The following NFS1 variants were observed in gnomAD, a reference collection of about 807,000 sequenced individuals.
NFS1 encodes the protein cysteine desulfurase.
Under a neutral mutation model 57.3 loss-of-function variants are expected in NFS1, and 26 were observed. The observed-to-expected ratio is 0.45, with a 90% CI of 0.33 to 0.63. The LOEUF (loss-of-function observed/expected upper bound fraction) is 0.63. Among genes scored for constraint, NFS1 ranks in the 20% least tolerant of loss-of-function variants. The pLI, the probability that NFS1 is intolerant of heterozygous loss-of-function variation, is 0.02. For synonymous variants in NFS1, 209 were observed against 216.3 expected, an observed-to-expected ratio of 0.97 and a Z score of 0.30; for missense variants, 505 against 605.8, an observed-to-expected ratio of 0.83 and a Z score of 1.75.
intron 5 of NFS1, among the ~76,000 whole-genome samples, chr20:35,686,510 T>C (rs531572445): frequency 2.1e-4 from 32 of 152,254 alleles, no homozygotes; most frequent in Admixed American, 2.0e-3. Flanking sequence ...ATGAATGTTA[T>C]GGTATGTGAA....
At chr20:35,693,656 G>A (rs1374290697) in intron 4 of NFS1, among the ~76,000 whole-genome samples, 1 of 151,884 alleles carries the variant, frequency 6.6e-6, no homozygotes, top group Non-Finnish European at 1.5e-5. Flanking sequence ...AATGAGAGCC[G>A]CATCTCTACA....
chr20:35,683,397 G>A (rs1024423445), intron 5 of NFS1, among the ~76,000 whole-genome samples: 4 of 151,702 alleles, frequency 2.6e-5, no homozygotes, highest in African/African-American at 7.3e-5. Context: ...CAGGAGAATC[G>A]CTTGAACCCG....
intron 11 of NFS1, 49 bp from the exon 12 acceptor site, chr20:35,672,893 G>T: frequency 9.0e-7 from 1 of 1,105,528 alleles, no homozygotes; most frequent in Non-Finnish European, 1.3e-6. Flanking sequence ...TCTGGCACTG[G>T]GATAAATTCA....
In NFS1 at chr20:35,674,340, T is replaced by C; in HGVS notation, c.1136+10A>G. 1 of 1,613,026 alleles carries C rather than the reference T, an allele frequency of 6.2e-7. No individual in the cohort carries two copies. Among genetic ancestry groups the C allele is most frequent in the Non-Finnish European group, 8.5e-7 (1 of 1,179,328 alleles). ...CCTGCCGCAGGCCCTGTCTATGCCG[T>C]CCAGCTCACCTCCCTGAGGATAAGG... On this transcript the variant is annotated intron_variant, in intron 10 of 12. Coordinates refer to ENST00000374092, the MANE Select transcript of NFS1 (RefSeq NM_021100.5).
At chr20:35,669,744 G>A (rs1296392028) in intron 12 of NFS1, 59 bp from the exon 13 acceptor site, 7 of 1,500,998 alleles carry the variant, frequency 4.7e-6, no homozygotes, top group African/African-American at 2.8e-5. Context: ...CGACAACATT[G>A]GCCCCAAGGC....
chr20:35,693,505 A>G (rs2035078858), intron 4 of NFS1, among the ~76,000 whole-genome samples: 1 of 152,182 alleles, frequency 6.6e-6, no homozygotes, highest in Non-Finnish European at 1.5e-5. Context: ...ATCTCTCCCC[A>G]GAGCTTATAA....
Position 35,672,891 on chromosome 20 carries a change from T to G in NFS1, c.1221-47A>C, listed in dbSNP as rs200469921. ...TGGCTCCCCATCAGAGCTCTGGCAC[T>G]GGGATAAATTCATTCCGCAAATACT... On this transcript the variant is annotated intron_variant, in intron 11 of 12. Coordinates refer to ENST00000374092, the MANE Select transcript of NFS1 (RefSeq NM_021100.5). The G allele has an allele frequency of 3.6e-6, 4 of 1,126,126 alleles. No individual in the cohort carries two copies. In the African/African-American group the frequency reaches 4.7e-5, roughly 13 times the overall value. 69.8% of individuals were successfully genotyped at this position (1,126,126 alleles called of 1,614,324 possible).
rs561483384 is a variant in NFS1, at chr20:35,699,261, C to T, written c.28G>A (p.Ala10Thr). The change falls in exon 1 of 13, where the codon GCG (alanine) becomes ACG (threonine). Residue 10 changes from alanine to threonine, a missense_variant. By Grantham distance (58) the Ala-to-Thr change is moderately conservative (BLOSUM62 0). Transcript: ENST00000374092. The surrounding 1 kb of genome is among the most constrained non-coding windows in gnomAD (Gnocchi z 4.4). MLLRAAWRR[A>T]AVAVTAAPGP... ...GGAGCCGCTGTCACCGCCACTGCCG[C>T]CCGCCTCCAAGCGGCTCGGAGCAGC... 5.4e-5 allele frequency: 77 copies of T among 1,424,178 alleles called. No individual in the cohort carries two copies. The East Asian group carries it at 2.2e-3, about 40-fold the overall frequency. The allele number at this position is 1,424,178 out of a possible 1,614,324, so 88.2% of individuals were successfully genotyped here.
intron 5 of NFS1, among the ~76,000 whole-genome samples, chr20:35,688,615 C>T (rs2034986195): frequency 6.6e-6 from 1 of 151,602 alleles, no homozygotes; most frequent in East Asian, 1.9e-4. Flanking sequence ...AGTCTGAGGC[C>T]GCAGTGAGCT....
chr20:35,686,281 C>T (rs527391005), intron 5 of NFS1, among the ~76,000 whole-genome samples: 6 of 136,614 alleles, frequency 4.4e-5, no homozygotes, highest in East Asian at 2.4e-4. Context: ...ACCCGGGAGG[C>T]GGAGGTTGTG....
rs2035160847 is a variant in NFS1, at chr20:35,697,698, C to T, written c.310G>A (p.Glu104Lys). 6.2e-7 allele frequency: 1 copy of T among 1,612,772 alleles called. No homozygotes were observed. Among genetic ancestry groups the T allele is most frequent in the South Asian group, 1.1e-5 (1 of 90,946 alleles). Reference sequence around the variant, plus strand: ...TGTGTACTAACCTGACGAGCACGTTCCATGGCTGCCTCACTCTCCCAGCCA... The same window carrying T: ...TGTGTACTAACCTGACGAGCACGTTTCATGGCTGCCTCACTCTCCCAGCCA... ...AYGWESEAAM[E>K]RARQQVASLI... The change falls in exon 3 of 13, where the codon GAA becomes AAA. Residue 104 changes from glutamate to lysine, a missense_variant. Physicochemically the swap from Glu to Lys is moderately conservative, Grantham distance 56. Coordinates refer to ENST00000374092, the MANE Select transcript of NFS1 (RefSeq NM_021100.5).
chr20:35,678,174 C>T (rs1452289923), intron 7 of NFS1, among the ~76,000 whole-genome samples: 1 of 151,546 alleles, frequency 6.6e-6, no homozygotes, highest in African/African-American at 2.4e-5. Context: ...ACAGTGAAAC[C>T]CCGTCTCTAC....
intron 4 of NFS1, among the ~76,000 whole-genome samples, chr20:35,690,887 A>G (rs532934528): frequency 2.2e-4 from 34 of 152,308 alleles, no homozygotes; most frequent in African/African-American, 7.9e-4. Context: ...TCAATAATTC[A>G]CTAGAATAAA....
intron 4 of NFS1, 94 bp downstream of exon 4, chr20:35,696,283 G>A: frequency 1.2e-6 from 1 of 832,018 alleles, no homozygotes; most frequent in Non-Finnish European, 2.1e-6. Context: ...GGGGATGGAT[G>A]GCTGCGAAAT....
At chr20:35,686,197 G>A (rs983283193) in intron 5 of NFS1, among the ~76,000 whole-genome samples, 6 of 151,254 alleles carry the variant, frequency 4.0e-5, no homozygotes, top group African/African-American at 4.9e-5. Context: ...TCCAACTCCC[G>A]ACCTCAGGTG....
rs528121301 is a variant in NFS1 at position 35,698,474 on chromosome 20, T to C, written c.207+7A>G. On this transcript the variant is annotated splice_region_variant and intron_variant, in intron 2 of 12. Transcript: ENST00000374092. Reference sequence around the variant, plus strand: ...ATAAGCAGCCTTGGGAAAAGCTTCATCCTTACCAGAGGAGTTGTAGCTTGC... The same window carrying C: ...ATAAGCAGCCTTGGGAAAAGCTTCACCCTTACCAGAGGAGTTGTAGCTTGC... 1.3e-6 allele frequency: 2 copies of C among 1,594,418 alleles called. No individual in the cohort carries two copies. The highest frequency in any genetic ancestry group is 4.5e-5 in the East Asian group (2 of 44,452).
Position 35,669,605 on chromosome 20 carries a change from G to A in NFS1, c.*17C>T, listed in dbSNP as rs755405543. 16 of 1,613,468 alleles carry A rather than the reference G, an allele frequency of 9.9e-6. No individual in the cohort carries two copies. Among genetic ancestry groups the A allele is most frequent in the African/African-American group, 9.3e-5 (7 of 74,908 alleles). On this transcript the variant is annotated 3_prime_UTR_variant, in exon 13 of 13. Transcript: ENST00000374092. ...GCAGGAGGGGCCAGACCAGCACAAAGTCAGGGCCCTATTCTTCTAGTGTTG... is the reference window on the plus strand; with the variant it reads ...GCAGGAGGGGCCAGACCAGCACAAAATCAGGGCCCTATTCTTCTAGTGTTG...
intron 11 of NFS1, 72 bp downstream of exon 11, chr20:35,673,529 A>C: frequency 7.3e-7 from 1 of 1,373,736 alleles, no homozygotes; most frequent in Non-Finnish European, 1.0e-6. Context: ...GTGGAAAAAG[A>C]AAAAAACTGT....
chr20:35,696,506 GA>G, intron 3 of NFS1, 46 bp from the exon 4 acceptor site: 1 of 1,450,602 alleles, frequency 6.9e-7, no homozygotes. Flanking sequence ...TCCCCAGGCA[GA>G]AATAGAGCTG....
Sources: allele counts gnomAD v4.1 joint callset (sites outside exome capture counted in the v4.1 genomes callset), GRCh38; gene constraint gnomAD v4.1.1; non-coding constraint Gnocchi (gnomAD v3.1); transcripts MANE v1.5; gene names NCBI Gene and HGNC (gene_info 2026-07-23, HGNC 2026-07-21).